Variants in KANSL1L observed in about 807,000 individuals in gnomAD.
KANSL1L encodes KAT8 regulatory NSL complex subunit 1 like, also known as KAT8 regulatory NSL complex subunit 1-like protein.
In KANSL1L, 25 loss-of-function variants were observed where a neutral mutation model predicts 108.6. The ratio of observed to expected loss-of-function variants is 0.23; its 90% CI spans 0.17 to 0.32. The LOEUF (loss-of-function observed/expected upper bound fraction) is 0.32. Among genes scored for constraint, KANSL1L ranks in the 10% least tolerant of loss-of-function variants. The pLI is 1.00. For missense variants in KANSL1L, 1,137 were observed against 1,125.7 expected, an observed-to-expected ratio of 1.01 and a Z score of -0.14; for synonymous variants, 405 against 395.1, an observed-to-expected ratio of 1.03 and a Z score of -0.30.
chr2:210,084,523 T>C (rs941821865), intron 5 of KANSL1L, among the ~76,000 whole-genome samples: 7 of 152,156 alleles, frequency 4.6e-5, no homozygotes, highest in Non-Finnish European at 1.5e-5. Flanking sequence ...GAAAAAGATA[T>C]AAAATTACTT....
At chr2:210,078,132 G>A (rs1423474201) in intron 5 of KANSL1L, among the ~76,000 whole-genome samples, 1 of 152,090 alleles carries the variant, frequency 6.6e-6, no homozygotes, top group Non-Finnish European at 1.5e-5. Context: ...GAATGCTGTA[G>A]GCAACTGTAA....
chr2:210,054,194 C>T (rs564083953), intron 6 of KANSL1L, among the ~76,000 whole-genome samples: 48 of 151,580 alleles, frequency 3.2e-4, no homozygotes, highest in African/African-American at 8.7e-4. Context: ...TGGTGGCGGG[C>T]GCCTGTAGTC....
At chr2:210,080,833 A>G (rs957697115) in intron 5 of KANSL1L, among the ~76,000 whole-genome samples, 5 of 151,830 alleles carry the variant, frequency 3.3e-5, no homozygotes, top group Non-Finnish European at 5.9e-5. Context: ...GTGGCTGGGC[A>G]TGGTGGCTCA....
intron 5 of KANSL1L, among the ~76,000 whole-genome samples, chr2:210,091,936 TAG>T: frequency 6.6e-6 from 1 of 152,302 alleles, no homozygotes; most frequent in South Asian, 2.1e-4. Flanking sequence ...TCTCTGTGTA[TAG>T]AGTTTCTAGG....
intron 3 of KANSL1L, among the ~76,000 whole-genome samples, chr2:210,120,598 T>C (rs529927848): frequency 2.6e-5 from 4 of 152,240 alleles, no homozygotes; most frequent in Admixed American, 2.6e-4. Flanking sequence ...AACGATTTCA[T>C]GACAAAGATG....
At position 210,154,508 on chromosome 2, in the gene KANSL1L, G is replaced by A. The variant is rs368089387; in HGVS notation, c.75C>T (p.Asp25=). ...TGGGACTTTCCATGTAGAGCATCTT[G>A]TCAGACTCCATGGTACTTGGCAAAG... The part of the protein sequence containing the change: ...FSSLPSTMES[D]KMLYMESPRT... Residue 25 remains aspartate (D), a synonymous_variant, in exon 2 of 15, where the codon GAC becomes GAT. Transcript: ENST00000281772. The A allele has an allele frequency of 3.5e-5, 57 of 1,605,966 alleles. No individual in the cohort carries two copies. Among genetic ancestry groups the A allele is most frequent in the Non-Finnish European group, 4.6e-5 (54 of 1,175,438 alleles).
In KANSL1L at chr2:210,049,643, A is replaced by AC. The variant is rs1253471642; in HGVS notation, c.1756-5540dup. 3.9e-5 allele frequency among the ~76,000 whole-genome samples: 6 copies of AC among 152,288 alleles called. No individual in the cohort carries two copies. The East Asian group carries it at 1.2e-3, about 29-fold the overall frequency. ...ATAAAATGATTTTGTTGGCTGCCAT[A>AC]CTATAGTAGGAAATTAGAAGCTAAA... On this transcript the variant is annotated intron_variant, in intron 6 of 14. Transcript: ENST00000281772.
chr2:210,040,358 A>C (rs1247944371), intron 8 of KANSL1L, 62 bp downstream of exon 8: 2 of 792,684 alleles, frequency 2.5e-6, no homozygotes, highest in Non-Finnish European at 4.3e-6. Context: ...TAGAATGCAA[A>C]AATAGTAAGT....
intron 2 of KANSL1L, among the ~76,000 whole-genome samples, chr2:210,143,319 G>A (rs1397272988): frequency 3.3e-5 from 5 of 150,308 alleles, no homozygotes. Context: ...TTCACTTTTA[G>A]TCTGTGTGTG....
chr2:210,104,085 A>G lies in KANSL1L; in HGVS notation c.1428+19T>C, dbSNP rs759388020. Reference sequence around the variant, plus strand: ...TGAAAAGTCATTTCATACCACTGATATCCTTACTTTGACTTTACCTGTTTT... The same window carrying G: ...TGAAAAGTCATTTCATACCACTGATGTCCTTACTTTGACTTTACCTGTTTT... On this transcript the variant is annotated intron_variant, in intron 4 of 14. Coordinates refer to ENST00000281772, the MANE Select transcript of KANSL1L (RefSeq NM_152519.4). 1.8e-5 allele frequency: 29 copies of G among 1,581,644 alleles called. No individual in the cohort carries two copies. The South Asian group carries it at 3.1e-4, about 17-fold the overall frequency.
chr2:210,165,046 T>C (rs1181844721), intron 1 of KANSL1L, among the ~76,000 whole-genome samples: 1 of 151,688 alleles, frequency 6.6e-6, no homozygotes, highest in Non-Finnish European at 1.5e-5. Flanking sequence ...TTTGTATCTT[T>C]AGTAGAGATG....
chr2:210,044,172 T>C lies in KANSL1L; in HGVS notation c.1756-68A>G. ...CATAAATGGCATATCTCTACATTTA[T>C]TTAGGTTATCTTTAAATAAAATTTT... On this transcript the variant is annotated intron_variant, in intron 6 of 14. Coordinates refer to ENST00000281772, the MANE Select transcript of KANSL1L (RefSeq NM_152519.4). The surrounding 1 kb of genome is among the most constrained non-coding windows in gnomAD (Gnocchi z 4.2). 1 of 1,083,756 alleles carries C rather than the reference T, an allele frequency of 9.2e-7. No homozygotes were observed. The highest frequency in any genetic ancestry group is 1.3e-6 in the Non-Finnish European group (1 of 799,686). The allele number at this position is 1,083,756 out of a possible 1,614,324, so 67.1% of individuals were successfully genotyped here.
intron 3 of KANSL1L, among the ~76,000 whole-genome samples, chr2:210,127,798 CAAAAAA>C (rs55979027): frequency 1.1e-4 from 3 of 28,130 alleles, no homozygotes; most frequent in African/African-American, 3.9e-4. Flanking sequence ...GACTCTGCCT[CAAAAAA>C]AAAAAAAAAA....
intron 6 of KANSL1L, among the ~76,000 whole-genome samples, chr2:210,054,321 C>A (rs2094325735): frequency 1.6e-5 from 2 of 122,844 alleles, no homozygotes; most frequent in African/African-American, 6.1e-5. Context: ...GACTCCATCT[C>A]AAAAAAAAAA....
At chr2:210,135,200 T>C (rs935125969) in intron 2 of KANSL1L, among the ~76,000 whole-genome samples, 2 of 152,088 alleles carry the variant, frequency 1.3e-5, no homozygotes, top group African/African-American at 4.8e-5. Context: ...TGTCTCTTAG[T>C]TTATTGGTCA....
intron 5 of KANSL1L, among the ~76,000 whole-genome samples, chr2:210,095,035 C>A (rs1056956556): frequency 6.6e-6 from 1 of 152,034 alleles, no homozygotes; most frequent in African/African-American, 2.4e-5. Context: ...AGTCTATAAT[C>A]TTAACCAGTC....
chr2:210,113,687 A>C (rs531399178), intron 3 of KANSL1L, among the ~76,000 whole-genome samples: 2 of 152,214 alleles, frequency 1.3e-5, no homozygotes, highest in Non-Finnish European at 2.9e-5. Context: ...TGAAAAAGTC[A>C]AGAAAAAGAT....
At chr2:210,093,038 T>C (rs2094706136) in intron 5 of KANSL1L, among the ~76,000 whole-genome samples, 1 of 152,234 alleles carries the variant, frequency 6.6e-6, no homozygotes. Context: ...TTTACTGTAA[T>C]GGCATAGGCC....
At chr2:210,107,029 CA>C (rs1236370172) in intron 3 of KANSL1L, among the ~76,000 whole-genome samples, 1 of 151,804 alleles carries the variant, frequency 6.6e-6, no homozygotes. Context: ...ATAAGAAAGA[CA>C]AAAAATATTT....
Sources: allele counts gnomAD v4.1 joint callset (sites outside exome capture counted in the v4.1 genomes callset), GRCh38; gene constraint gnomAD v4.1.1; non-coding constraint Gnocchi (gnomAD v3.1); transcripts MANE v1.5; gene names NCBI Gene and HGNC (gene_info 2026-07-23, HGNC 2026-07-21).